The following PROS1 variants were observed in gnomAD, a reference collection of about 807,000 sequenced individuals.
The protein encoded by PROS1 is vitamin K-dependent protein S.
A neutral mutation model predicts 75.9 loss-of-function variants in PROS1; 29 were observed. That is an observed-to-expected ratio of 0.38 (90% CI 0.28 to 0.52). The LOEUF is 0.52. Ranked by LOEUF, PROS1 falls within the 20% of genes least tolerant of loss-of-function variation. PROS1 has a pLI of 0.83. For missense variants in PROS1, 680 were observed against 810.3 expected, an observed-to-expected ratio of 0.84 and a Z score of 1.95; for synonymous variants, 245 against 280.6, an observed-to-expected ratio of 0.87 and a Z score of 1.27.
intron 1 of PROS1, among the ~76,000 whole-genome samples, chr3:93,966,311 T>G (rs1709788316): frequency 6.6e-6 from 1 of 152,174 alleles, no homozygotes; most frequent in South Asian, 2.1e-4. Context: ...ATCACAGGCT[T>G]AGGGACGAAG....
In PROS1 at chr3:93,910,171, G is replaced by A. The variant is rs1236093086; in HGVS notation, c.346+448C>T. The stretch of plus-strand genomic sequence containing the variant: ...AATAATGTACCAGAATTATCATTAG[G>A]CCCCTTGTGAACTTCAGAGCAAGAA... On this transcript the variant is annotated intron_variant, in intron 4 of 14. Coordinates refer to ENST00000394236, the MANE Select transcript of PROS1 (RefSeq NM_000313.4). Among the ~76,000 whole-genome samples the A allele has an allele frequency of 3.3e-5, 5 of 152,044 alleles. No homozygotes were observed. In the East Asian group the frequency reaches 9.6e-4, roughly 29 times the overall value.
At chr3:93,915,068 C>A (rs1297199306) in intron 3 of PROS1, among the ~76,000 whole-genome samples, 1 of 152,162 alleles carries the variant, frequency 6.6e-6, no homozygotes, top group Non-Finnish European at 1.5e-5. Flanking sequence ...TTTATATGAC[C>A]AGGCTGCGAA....
At chr3:93,951,618 C>T (rs1424804467) in intron 1 of PROS1, among the ~76,000 whole-genome samples, 2 of 152,192 alleles carry the variant, frequency 1.3e-5, no homozygotes, top group African/African-American at 4.8e-5. Context: ...AAAGGAACAA[C>T]CAGTACCAGC....
chr3:93,950,838 C>T (rs1709483947), intron 1 of PROS1, among the ~76,000 whole-genome samples: 1 of 152,150 alleles, frequency 6.6e-6, no homozygotes, highest in Admixed American at 6.5e-5. Context: ...TGGACAATGA[C>T]TTTGATGAGT....
intron 1 of PROS1, among the ~76,000 whole-genome samples, chr3:93,958,271 T>G (rs1381997256): frequency 1.3e-5 from 2 of 152,192 alleles, no homozygotes; most frequent in Admixed American, 6.5e-5. Flanking sequence ...AGACTTTTTT[T>G]CATCGCAAAG....
At position 93,924,269 on chromosome 3, in the gene PROS1, A is replaced by G. The variant is rs925879449; in HGVS notation, c.235-5T>C. On this transcript the variant is annotated splice_region_variant and splice_polypyrimidine_tract_variant and intron_variant, in intron 2 of 14. Coordinates refer to ENST00000394236, the MANE Select transcript of PROS1 (RefSeq NM_000313.4). ...GTATTTTGGATAAAAATAATCCTAG[A>G]AAGAAGAAAAAGAAAACATATCTTA... 7.1e-6 allele frequency: 9 copies of G among 1,265,856 alleles called. No individual in the cohort carries two copies. Among genetic ancestry groups the G allele is most frequent in the Non-Finnish European group, 9.8e-6 (9 of 922,540 alleles). The allele number at this position is 1,265,856 out of a possible 1,614,324, so 78.4% of individuals were successfully genotyped here.
At chr3:93,917,881 C>A (rs1465454200) in intron 3 of PROS1, among the ~76,000 whole-genome samples, 3 of 152,170 alleles carry the variant, frequency 2.0e-5, no homozygotes, top group South Asian at 2.1e-4. Context: ...CCTCTGTGGG[C>A]TCCTGTGCCA....
At chr3:93,956,554 ACACACACAAAC>A (rs1709605141) in intron 1 of PROS1, among the ~76,000 whole-genome samples, 1 of 74,750 alleles carries the variant, frequency 1.3e-5, no homozygotes, top group African/African-American at 3.9e-5. Context: ...ACACACACAC[ACACACACAAAC>A]ACACACACAC....
chr3:93,876,860 A>G, intron 14 of PROS1, 106 bp downstream of exon 14: 1 of 760,656 alleles, frequency 1.3e-6, no homozygotes, highest in Non-Finnish European at 2.1e-6. Flanking sequence ...TGAATACTGG[A>G]TTTTATGTTC....
intron 2 of PROS1, 28 bp downstream of exon 2, chr3:93,927,222 G>C: frequency 6.2e-7 from 1 of 1,611,814 alleles, no homozygotes; most frequent in Non-Finnish European, 8.5e-7. Context: ...CTAGATGTGT[G>C]AACTTGATAG....
At chr3:93,948,672 A>G (rs902564530) in intron 1 of PROS1, among the ~76,000 whole-genome samples, 15 of 152,260 alleles carry the variant, frequency 9.9e-5, no homozygotes, top group Non-Finnish European at 1.9e-4. Context: ...TAGAAACAGA[A>G]TATAAATGAA....
Position 93,924,220 on chromosome 3 carries a change from T to A in PROS1, c.259+20A>T. On this transcript the variant is annotated intron_variant, in intron 3 of 14. Transcript: ENST00000394236. ...CCCTTCCATTTCTAAGATTATATAATTGAGATGTTTTGAACTTACCTAAGT... is the reference window on the plus strand; with the variant it reads ...CCCTTCCATTTCTAAGATTATATAAATGAGATGTTTTGAACTTACCTAAGT... 1 of 1,296,476 alleles carries A rather than the reference T, an allele frequency of 7.7e-7. No individual in the cohort carries two copies. Among genetic ancestry groups the A allele is most frequent in the South Asian group, 1.5e-5 (1 of 67,836 alleles). The allele number at this position is 1,296,476 out of a possible 1,614,324, so 80.3% of individuals were successfully genotyped here.
chr3:93,971,668 C>CAT (rs1244403313), intron 1 of PROS1, among the ~76,000 whole-genome samples: 4 of 150,986 alleles, frequency 2.6e-5, no homozygotes, highest in Non-Finnish European at 5.9e-5. Flanking sequence ...CACACACACA[C>CAT]ACATAAATTA....
At chr3:93,889,480 G>A (rs945935943) in intron 10 of PROS1, among the ~76,000 whole-genome samples, 13 of 152,036 alleles carry the variant, frequency 8.6e-5, no homozygotes, top group South Asian at 2.1e-4. Flanking sequence ...AATTCACCAC[G>A]TTTGCCCAAG....
rs1361212787 is a variant in PROS1 at position 93,874,088 on chromosome 3, G to T, written c.*157C>A. 20 of 836,338 alleles carry T rather than the reference G, an allele frequency of 2.4e-5. No homozygotes were observed. The highest frequency in any genetic ancestry group is 5.5e-6 in the Non-Finnish European group (3 of 547,150). 51.8% of individuals were successfully genotyped at this position (836,338 alleles called of 1,614,324 possible). On this transcript the variant is annotated 3_prime_UTR_variant, in exon 15 of 15. Transcript: ENST00000394236. ...CTTTACTGTGATTTATATCACAACAGAATTTTTTTCCTTGACAAAGGACCT... is the reference window on the plus strand; with the variant it reads ...CTTTACTGTGATTTATATCACAACATAATTTTTTTCCTTGACAAAGGACCT...
At chr3:93,889,175 T>G (rs1463019273) in intron 10 of PROS1, among the ~76,000 whole-genome samples, 1 of 152,226 alleles carries the variant, frequency 6.6e-6, no homozygotes, top group African/African-American at 2.4e-5. Flanking sequence ...ATATGCATAC[T>G]AACCACCATT....
intron 4 of PROS1, among the ~76,000 whole-genome samples, chr3:93,907,224 T>A (rs1416914814): frequency 6.6e-6 from 1 of 152,072 alleles, no homozygotes; most frequent in African/African-American, 2.4e-5. Context: ...CTGAAGACCA[T>A]AAAAACCCCA....
intron 6 of PROS1, among the ~76,000 whole-genome samples, chr3:93,903,102 T>G (rs1309894012): frequency 1.3e-5 from 2 of 152,026 alleles, no homozygotes; most frequent in African/African-American, 4.8e-5. Context: ...CCTGACCTGT[T>G]GTTGATCCAC....
At chr3:93,931,185 T>C (rs917890113) in intron 1 of PROS1, among the ~76,000 whole-genome samples, 5 of 152,178 alleles carry the variant, frequency 3.3e-5, no homozygotes, top group Non-Finnish European at 4.4e-5. Flanking sequence ...AAATTGAAGC[T>C]GAGAGAGGTG....
Sources: allele counts gnomAD v4.1 joint callset (sites outside exome capture counted in the v4.1 genomes callset), GRCh38; gene constraint gnomAD v4.1.1; transcripts MANE v1.5; gene names NCBI Gene and HGNC (gene_info 2026-07-23, HGNC 2026-07-21).